Variants in CPNE3 observed in about 807,000 individuals in gnomAD.
The protein encoded by CPNE3 is copine-3.
CPNE3 carries 68 observed loss-of-function variants against 63.9 expected under a neutral mutation model. That is an observed-to-expected ratio of 1.06 (90% CI 0.87 to 1.30). The LOEUF (loss-of-function observed/expected upper bound fraction) is 1.30, where lower values mean the gene tolerates loss of function less well. CPNE3 is among the 50% of genes most tolerant of loss of function. The probability of loss-of-function intolerance (pLI) is 0.00; values close to 1 mark genes in which losing one functional copy is unlikely to be tolerated. For synonymous variants in CPNE3, 219 were observed against 197.5 expected, an observed-to-expected ratio of 1.11 and a Z score of -0.91; for missense variants, 665 against 578.1, an observed-to-expected ratio of 1.15 and a Z score of -1.54.
intron 12 of CPNE3, among the ~76,000 whole-genome samples, 194 bp downstream of exon 12, chr8:86,548,628 G>A (rs1263976385): frequency 1.3e-5 from 2 of 152,012 alleles, no homozygotes; most frequent in African/African-American, 2.4e-5. Context: ...ATATCTTTCT[G>A]TGATTAGTTA....
chr8:86,551,965 C>T (rs1429381432), intron 14 of CPNE3, among the ~76,000 whole-genome samples: 1 of 152,224 alleles, frequency 6.6e-6, no homozygotes, highest in Non-Finnish European at 1.5e-5. Flanking sequence ...CATGCCCAGC[C>T]ACGTTTTACT....
At chr8:86,546,786 A>C (rs968896491) in intron 10 of CPNE3, 105 bp downstream of exon 10, 16 of 1,206,892 alleles carry the variant, frequency 1.3e-5, no homozygotes, top group Non-Finnish European at 1.8e-5. Context: ...ATCTCGGCTC[A>C]CTGCAACCTC....
intron 2 of CPNE3, among the ~76,000 whole-genome samples, chr8:86,524,136 C>A (rs145475841): frequency 5.0e-4 from 76 of 152,224 alleles, no homozygotes; most frequent in Middle Eastern, 3.4e-3. Flanking sequence ...TATGGGAAAG[C>A]GGCTGTATCT....
intron 8 of CPNE3, among the ~76,000 whole-genome samples, chr8:86,540,815 G>A (rs1165626222): frequency 2.0e-5 from 3 of 152,100 alleles, no homozygotes; most frequent in Non-Finnish European, 2.9e-5. Flanking sequence ...TTAATTGAAA[G>A]CTTTTAGAAG....
At chr8:86,520,043 C>CT (rs1296269379) in intron 2 of CPNE3, among the ~76,000 whole-genome samples, 1 of 150,688 alleles carries the variant, frequency 6.6e-6, no homozygotes, top group African/African-American at 2.4e-5. Context: ...GAGATGGAGA[C>CT]TGAGTTTGGA....
chr8:86,518,565 T>C (rs72690443), intron 2 of CPNE3, among the ~76,000 whole-genome samples: 34,522 of 151,974 alleles, frequency 0.23, 4,093 homozygotes, highest in Non-Finnish European at 0.27. Context: ...TTTGCCAAGA[T>C]GCATGTTCCA....
intron 5 of CPNE3, 70 bp downstream of exon 5, chr8:86,531,299 T>G (rs1586834238): frequency 1.3e-6 from 1 of 791,028 alleles, no homozygotes; most frequent in Non-Finnish European, 2.3e-6. Context: ...ACTGTCCATA[T>G]CAGAGAAATA....
chr8:86,537,966 GTCTC>G (rs72165946), intron 7 of CPNE3, among the ~76,000 whole-genome samples: 6,038 of 142,914 alleles, frequency 0.042, 136 homozygotes, highest in East Asian at 0.073. Flanking sequence ...GTCCCTCTCT[GTCTC>G]TCTCTCTCTC....
At chr8:86,520,489 A>G (rs1586825856) in intron 2 of CPNE3, among the ~76,000 whole-genome samples, 1 of 151,058 alleles carries the variant, frequency 6.6e-6, no homozygotes, top group East Asian at 2.0e-4. Context: ...CAGGAGGCGG[A>G]GGTTGCAAGT....
rs756466722 is a variant in CPNE3 at position 86,554,877 on chromosome 8, C to A, written c.1147C>A (p.Arg383=). The A allele has an allele frequency of 2.5e-6, 4 of 1,614,062 alleles. No individual in the cohort carries two copies. The highest frequency in any genetic ancestry group is 3.4e-6 in the Non-Finnish European group (4 of 1,179,968). ...AATCCAAGGCATTGTAGAGGCGTAT[C>A]GGTCTTGTCTTCCTCAGATAAAACT... ...NGIQGIVEAY[R]SCLPQIKLYG... Residue 383 remains arginine (R), a synonymous_variant, in exon 15 of 17, where the codon CGG becomes AGG. Coordinates refer to ENST00000517490, the MANE Select transcript of CPNE3 (RefSeq NM_003909.5).
In CPNE3 at chr8:86,558,363, A is replaced by C; in HGVS notation, c.1567A>C (p.Lys523Gln). Residue 523 changes from lysine to glutamine, a missense_variant, in exon 17 of 17, where the codon AAA (lysine) becomes CAA (glutamine). Coordinates refer to ENST00000517490, the MANE Select transcript of CPNE3 (RefSeq NM_003909.5). Reference sequence around the variant, plus strand: ...GGTGGTGGGCTACTTCAATACATACAAACTCCTTCCTCCCAAGAACCCAGC... The same window carrying C: ...GGTGGTGGGCTACTTCAATACATACCAACTCCTTCCTCCCAAGAACCCAGC... ...QQVVGYFNTY[K>Q]LLPPKNPATK... 1.1e-6 allele frequency: 1 copy of C among 872,966 alleles called. No homozygotes were observed. The highest frequency in any genetic ancestry group is 2.4e-5 in the East Asian group (1 of 41,696). The allele number at this position is 872,966 out of a possible 1,614,324, so 54.1% of individuals were successfully genotyped here. A position where few individuals can be genotyped will look rare whatever the true frequency, so the allele number is the denominator to read the frequency against.
chr8:86,547,799 A>G (rs370118849), intron 11 of CPNE3, 29 bp downstream of exon 11: 157 of 1,029,182 alleles, frequency 1.5e-4, no homozygotes, highest in Non-Finnish European at 1.0e-4. Context: ...TTTTCAGCAT[A>G]GGCTTTTTCC....
Position 86,551,091 on chromosome 8 carries a change from T to A in CPNE3, c.1059T>A (p.Pro353=), listed in dbSNP as rs1222843284. The A allele has an allele frequency of 1.2e-6, 2 of 1,612,648 alleles. No individual in the cohort carries two copies. The highest frequency in any genetic ancestry group is 1.3e-5 in the African/African-American group (1 of 74,930). ...TTGGTTTTGGCGCTCAGATACCTCC[T>A]CAGTGGCAGGTAAGAGGAAATCTCT... ...PAFGFGAQIP[P]QWQVSHEFPM... Residue 353 remains proline (P), a synonymous_variant, in exon 13 of 17, where the codon CCT becomes CCA. Coordinates refer to ENST00000517490, the MANE Select transcript of CPNE3 (RefSeq NM_003909.5).
At chr8:86,522,743 C>G (rs2131426525) in intron 2 of CPNE3, among the ~76,000 whole-genome samples, 1 of 152,074 alleles carries the variant, frequency 6.6e-6, no homozygotes, top group South Asian at 2.1e-4. Flanking sequence ...GTTAGTGAAT[C>G]ATGGTATTAG....
intron 2 of CPNE3, among the ~76,000 whole-genome samples, chr8:86,526,302 T>A (rs1340030074): frequency 6.6e-6 from 1 of 152,020 alleles, no homozygotes; most frequent in Admixed American, 6.6e-5. Flanking sequence ...CTGTTACTAT[T>A]AGTGCAATAG....
At chr8:86,547,456 A>G (rs533955977) in intron 10 of CPNE3, 1 of 357,616 alleles carries the variant, frequency 2.8e-6, no homozygotes, top group East Asian at 5.7e-5. Context: ...AATATCTTAA[A>G]ACTTAAAATG....
intron 2 of CPNE3, among the ~76,000 whole-genome samples, chr8:86,520,887 A>G (rs915135635): frequency 3.9e-5 from 6 of 152,036 alleles, no homozygotes; most frequent in Non-Finnish European, 7.4e-5. Context: ...TCCTGACCTC[A>G]GGTGATCTGC....
chr8:86,522,706 T>C (rs1820463497), intron 2 of CPNE3, among the ~76,000 whole-genome samples: 1 of 152,052 alleles, frequency 6.6e-6, no homozygotes, highest in Non-Finnish European at 1.5e-5. Context: ...TCAATAGCGG[T>C]CAGGCAGGAT....
At chr8:86,524,067 CTA>C (rs1411687954) in intron 2 of CPNE3, among the ~76,000 whole-genome samples, 7 of 152,132 alleles carry the variant, frequency 4.6e-5, no homozygotes, top group African/African-American at 1.4e-4. Context: ...CATTAGGAGA[CTA>C]TTATATAAGG....
Sources: gnomAD v4.1 joint callset for allele counts (sites outside exome capture counted in the v4.1 genomes callset) on GRCh38, gnomAD v4.1.1 for gene constraint, MANE v1.5 for transcripts, NCBI Gene and HGNC (gene_info 2026-07-23, HGNC 2026-07-21) for gene names.